COL13A1: variants seen among roughly 807,000 people sequenced by gnomAD.
COL13A1 encodes collagen alpha-1(XIII) chain.
In COL13A1, 89 loss-of-function variants were observed where a neutral mutation model predicts 130.9. The ratio of observed to expected loss-of-function variants is 0.68; its 90% CI spans 0.57 to 0.81. The LOEUF is 0.81. Ranked by LOEUF, COL13A1 falls within the 30% of genes least tolerant of loss-of-function variation. The pLI is 0.00. For missense variants in COL13A1, 879 were observed against 934.6 expected, an observed-to-expected ratio of 0.94 and a Z score of 0.78; for synonymous variants, 402 against 341.6, an observed-to-expected ratio of 1.18 and a Z score of -1.95.
intron 23 of COL13A1, 122 bp from the exon 24 acceptor site, chr10:69,923,680 C>A: frequency 7.9e-7 from 1 of 1,271,378 alleles, no homozygotes; most frequent in Non-Finnish European, 1.1e-6. Context: ...GGTGCAGAAG[C>A]CATCAGGGAA....
intron 37 of COL13A1, 80 bp downstream of exon 37, chr10:69,945,804 G>T (rs2068428396): frequency 1.3e-6 from 2 of 1,533,084 alleles, no homozygotes; most frequent in Non-Finnish European, 8.9e-7. Flanking sequence ...CGGGCATGGT[G>T]GCTCACACCT....
At chr10:69,861,183 G>C (rs1039253450) in intron 2 of COL13A1, among the ~76,000 whole-genome samples, 2 of 152,222 alleles carry the variant, frequency 1.3e-5, no homozygotes, top group African/African-American at 4.8e-5. Flanking sequence ...ATTGAAAGCA[G>C]GGGTTAGCCA....
chr10:69,927,192 C>T, intron 27 of COL13A1, 82 bp downstream of exon 27: 6 of 1,595,054 alleles, frequency 3.8e-6, no homozygotes, highest in Non-Finnish European at 5.2e-6. Context: ...GATTTGATTT[C>T]TCCCCTCCAG....
intron 3 of COL13A1, among the ~76,000 whole-genome samples, chr10:69,868,858 G>A (rs182601129): frequency 3.3e-5 from 5 of 152,310 alleles, no homozygotes; most frequent in Admixed American, 1.3e-4. Flanking sequence ...ATTATGGCAC[G>A]TTTGGTGTGT....
chr10:69,947,407 G>T (rs371568285), intron 38 of COL13A1, 65 bp downstream of exon 38: 15 of 1,439,100 alleles, frequency 1.0e-5, no homozygotes, highest in East Asian at 2.4e-5. Flanking sequence ...TGGAATGATC[G>T]ATCGGTGATT....
intron 1 of COL13A1, among the ~76,000 whole-genome samples, chr10:69,802,981 G>T (rs56173804): frequency 6.6e-6 from 1 of 152,100 alleles, no homozygotes; most frequent in East Asian, 1.9e-4. Context: ...TGGGCACGCC[G>T]GGCAGGTGGA....
intron 2 of COL13A1, among the ~76,000 whole-genome samples, chr10:69,860,915 C>G (rs4341432): frequency 0.69 from 104,583 of 152,132 alleles, 36,801 homozygotes; most frequent in East Asian, 0.96. Context: ...GCTAGGCTGG[C>G]GAACGGCTTC....
At chr10:69,902,668 C>A in intron 14 of COL13A1, 80 bp from the exon 15 acceptor site, 1 of 1,175,446 alleles carries the variant, frequency 8.5e-7, no homozygotes, top group South Asian at 1.5e-5. Context: ...CAGGCCTTCA[C>A]TGGGTGCATG....
intron 34 of COL13A1, among the ~76,000 whole-genome samples, chr10:69,938,783 A>T (rs1307153137): frequency 6.6e-6 from 1 of 152,190 alleles, no homozygotes; most frequent in African/African-American, 2.4e-5. Flanking sequence ...AGGAATATTT[A>T]AGAAGCCAAT....
At chr10:69,957,756 G>T (rs773225291) in intron 40 of COL13A1, among the ~76,000 whole-genome samples, 23 of 152,038 alleles carry the variant, frequency 1.5e-4, no homozygotes, top group Non-Finnish European at 2.8e-4. Context: ...CAGAAGACCC[G>T]CCTTGGTCCC....
At chr10:69,922,258 C>A (rs1257108085) in intron 22 of COL13A1, among the ~76,000 whole-genome samples, 2 of 151,842 alleles carry the variant, frequency 1.3e-5, no homozygotes, top group African/African-American at 2.4e-5. Context: ...AAAGATGAGG[C>A]CAAAATAAGG....
intron 2 of COL13A1, among the ~76,000 whole-genome samples, chr10:69,835,082 C>T (rs1054352118): frequency 6.6e-6 from 1 of 152,156 alleles, no homozygotes; most frequent in Non-Finnish European, 1.5e-5. Context: ...GGGCCCTGTG[C>T]CCCTTCACCC....
intron 30 of COL13A1, among the ~76,000 whole-genome samples, chr10:69,931,411 C>T (rs1340697462): frequency 1.3e-5 from 2 of 152,190 alleles, no homozygotes; most frequent in Non-Finnish European, 1.5e-5. Flanking sequence ...AGGGAGGGTC[C>T]TCTTAACAAG....
At chr10:69,912,164 T>C (rs145086094) in intron 17 of COL13A1, among the ~76,000 whole-genome samples, 173 of 152,286 alleles carry the variant, frequency 1.1e-3, no homozygotes, top group African/African-American at 3.6e-3. Context: ...GCTTTGTTTT[T>C]CATGCACTCC....
At chr10:69,949,475 C>T (rs2069054881) in intron 38 of COL13A1, among the ~76,000 whole-genome samples, 2 of 152,228 alleles carry the variant, frequency 1.3e-5, no homozygotes, top group Admixed American at 1.3e-4. Context: ...AGCCACCGCA[C>T]CTGGCCCAGA....
chr10:69,897,382 A>C, intron 13 of COL13A1: 1 of 1,287,034 alleles, frequency 7.8e-7, no homozygotes, highest in Non-Finnish European at 1.1e-6. Context: ...GGGAGAGGAG[A>C]GGGGTGGGGA....
chr10:69,953,966 G>A (rs890296490), intron 39 of COL13A1: 1 of 153,130 alleles, frequency 6.5e-6, no homozygotes, highest in Non-Finnish European at 1.5e-5. Context: ...AGGTTTTAAA[G>A]GAGAGAAAGG....
At chr10:69,922,538 T>C (rs1218352599) in intron 22 of COL13A1, among the ~76,000 whole-genome samples, 170 bp from the exon 23 acceptor site, 2 of 152,208 alleles carry the variant, frequency 1.3e-5, no homozygotes, top group Non-Finnish European at 1.5e-5. Context: ...TGCCCTTCAG[T>C]AAACACTTCC....
chr10:69,948,516 C>T (rs10999043), intron 38 of COL13A1, among the ~76,000 whole-genome samples: 13,081 of 152,220 alleles, frequency 0.086, 1,025 homozygotes, highest in African/African-American at 0.21. Flanking sequence ...ATAAACAGAC[C>T]TGCTTCCAGA....
Sources: allele counts gnomAD v4.1 joint callset (sites outside exome capture counted in the v4.1 genomes callset), GRCh38; gene constraint gnomAD v4.1.1; transcripts MANE v1.5; gene names NCBI Gene and HGNC (gene_info 2026-07-23, HGNC 2026-07-21).